NTNG1: variants seen among roughly 807,000 people sequenced by gnomAD.
NTNG1 encodes the protein netrin G1, also known as netrin-G1.
NTNG1 carries 16 observed loss-of-function variants against 54.0 expected under a neutral mutation model. The ratio of observed to expected loss-of-function variants is 0.30; its 90% CI spans 0.20 to 0.45. The LOEUF (loss-of-function observed/expected upper bound fraction) is 0.45, where lower values mean the gene tolerates loss of function less well. Among genes scored for constraint, NTNG1 ranks in the 20% least tolerant of loss-of-function variants. The pLI is 1.00. For missense variants in NTNG1, 530 were observed against 678.7 expected, an observed-to-expected ratio of 0.78 and a Z score of 2.43; for synonymous variants, 255 against 263.1, an observed-to-expected ratio of 0.97 and a Z score of 0.30.
intron 2 of NTNG1, among the ~76,000 whole-genome samples, chr1:107,211,174 T>C (rs1206377493): frequency 1.3e-5 from 2 of 152,188 alleles, no homozygotes; most frequent in Non-Finnish European, 2.9e-5. Flanking sequence ...GGGTGAATTG[T>C]AGAAGCATCA....
intron 3 of NTNG1, chr1:107,328,785 A>G (rs1273665592): frequency 6.6e-6 from 1 of 152,178 alleles, no homozygotes; most frequent in African/African-American, 2.4e-5. Context: ...CAAAGAAATA[A>G]TGTGATTTAA....
chr1:107,186,130 T>G (rs1343108857), intron 2 of NTNG1, among the ~76,000 whole-genome samples: 1 of 152,156 alleles, frequency 6.6e-6, no homozygotes, highest in Non-Finnish European at 1.5e-5. Flanking sequence ...GACCTTCTGT[T>G]TTTTAGTTAT....
At chr1:107,152,168 A>G (rs1283380060) in intron 2 of NTNG1, among the ~76,000 whole-genome samples, 1 of 152,136 alleles carries the variant, frequency 6.6e-6, no homozygotes, top group African/African-American at 2.4e-5. Context: ...TGAGTTGATG[A>G]TGGCTAAAGA....
At chr1:107,458,626 A>T (rs1165324274) in intron 7 of NTNG1, among the ~76,000 whole-genome samples, 1 of 152,206 alleles carries the variant, frequency 6.6e-6, no homozygotes, top group Non-Finnish European at 1.5e-5. Context: ...AACAATATTC[A>T]TGAAACAATT....
intron 2 of NTNG1, among the ~76,000 whole-genome samples, chr1:107,163,908 G>A (rs375781855): frequency 1.3e-5 from 2 of 152,294 alleles, no homozygotes; most frequent in East Asian, 3.9e-4. Context: ...TGCTGCATGG[G>A]AAATGGAAAT....
chr1:107,275,670 G>T (rs1391188443), intron 2 of NTNG1, among the ~76,000 whole-genome samples: 1 of 152,196 alleles, frequency 6.6e-6, no homozygotes, highest in Admixed American at 6.5e-5. Context: ...AGCCAGACAG[G>T]ATGAGTTCTT....
rs1261491157 is a variant in NTNG1 at position 107,386,149 on chromosome 1, G to GTATA, written c.888-8991_888-8988dup. 4.2e-4 allele frequency among the ~76,000 whole-genome samples: 41 copies of GTATA among 98,738 alleles called. 1 individual carries two copies. In the East Asian group the frequency reaches 5.3e-3, roughly 13 times the overall value. 64.8% of individuals were successfully genotyped at this position (98,738 alleles called of 152,430 possible). ...TATGTATGTATATATATATATGTGTGTATATATATATATATATTTTTTTTT... is the reference window on the plus strand; with the variant it reads ...TATGTATGTATATATATATATGTGTGTATATATATATATATATATATTTTTTTTT... On this transcript the variant is annotated intron_variant, in intron 3 of 7. Transcript: ENST00000370068.
At chr1:107,287,175 A>T (rs973566716) in intron 2 of NTNG1, among the ~76,000 whole-genome samples, 1 of 152,164 alleles carries the variant, frequency 6.6e-6, no homozygotes, top group African/African-American at 2.4e-5. Context: ...CAGACCAAAA[A>T]ATTGTGCATA....
chr1:107,147,139 G>A (rs1334830639), intron 1 of NTNG1, among the ~76,000 whole-genome samples: 1 of 152,042 alleles, frequency 6.6e-6, no homozygotes, highest in Non-Finnish European at 1.5e-5. Flanking sequence ...CCAATGACTT[G>A]TAGCCATAGT....
chr1:107,247,801 A>G (rs969951077), intron 2 of NTNG1, among the ~76,000 whole-genome samples: 2 of 152,248 alleles, frequency 1.3e-5, no homozygotes, highest in Admixed American at 6.5e-5. Context: ...TGTGGGCTCC[A>G]TCAGCTATCC....
At chr1:107,187,080 C>T (rs1204692157) in intron 2 of NTNG1, among the ~76,000 whole-genome samples, 2 of 152,138 alleles carry the variant, frequency 1.3e-5, no homozygotes, top group African/African-American at 4.8e-5. Flanking sequence ...AACTACCAGT[C>T]TCTGTTGCCT....
At chr1:107,351,314 A>G (rs929416007) in intron 3 of NTNG1, among the ~76,000 whole-genome samples, 2 of 152,174 alleles carry the variant, frequency 1.3e-5, no homozygotes, top group Admixed American at 6.5e-5. Flanking sequence ...AATACCTGAA[A>G]CTGGATAATT....
chr1:107,432,818 A>C (rs925099316), intron 6 of NTNG1, among the ~76,000 whole-genome samples: 1 of 152,160 alleles, frequency 6.6e-6, no homozygotes. Context: ...TTATCAGGTA[A>C]CTTAACAATA....
intron 7 of NTNG1, among the ~76,000 whole-genome samples, chr1:107,467,184 C>T (rs1677659806): frequency 6.6e-6 from 1 of 151,658 alleles, no homozygotes; most frequent in African/African-American, 2.4e-5. Flanking sequence ...GAAAAATTAA[C>T]AAATAGATCT....
chr1:107,248,986 T>G (rs1287411372), intron 2 of NTNG1, among the ~76,000 whole-genome samples: 1 of 127,404 alleles, frequency 7.8e-6, no homozygotes, highest in African/African-American at 3.2e-5. Flanking sequence ...CTGTCTCTAC[T>G]AAAAGTACAA....
chr1:107,393,450 A>G (rs771724273), intron 3 of NTNG1, among the ~76,000 whole-genome samples: 1 of 152,172 alleles, frequency 6.6e-6, no homozygotes, highest in Non-Finnish European at 1.5e-5. Flanking sequence ...ATAATTAAAC[A>G]TTGCCTATTT....
chr1:107,189,833 G>A (rs111417104), intron 2 of NTNG1, among the ~76,000 whole-genome samples: 16,774 of 146,756 alleles, frequency 0.11, 1,793 homozygotes, highest in African/African-American at 0.31. Context: ...AAAAAAAAAA[G>A]GGGGGGGCCT....
At chr1:107,161,354 A>G (rs1403806919) in intron 2 of NTNG1, among the ~76,000 whole-genome samples, 1 of 152,166 alleles carries the variant, frequency 6.6e-6, no homozygotes, top group African/African-American at 2.4e-5. Flanking sequence ...CAGTATAATA[A>G]ATACACGTGC....
chr1:107,480,991 T>A lies in NTNG1; in HGVS notation c.*151T>A. 1 of 619,746 alleles carries A rather than the reference T, an allele frequency of 1.6e-6. No individual in the cohort carries two copies. The highest frequency in any genetic ancestry group is 2.8e-6 in the Non-Finnish European group (1 of 351,900). The allele number at this position is 619,746 out of a possible 1,614,324, so 38.4% of individuals were successfully genotyped here. A position where few individuals can be genotyped will look rare whatever the true frequency, so the allele number is the denominator to read the frequency against. On this transcript the variant is annotated 3_prime_UTR_variant, in exon 8 of 8. Transcript: ENST00000370068. ...AAGGCCTAACTGAACTAAGCCATATTTATCACCCGTGGACAGCACATCCGA... is the reference window on the plus strand; with the variant it reads ...AAGGCCTAACTGAACTAAGCCATATATATCACCCGTGGACAGCACATCCGA...
Sources: gnomAD v4.1 joint callset for allele counts (sites outside exome capture counted in the v4.1 genomes callset) on GRCh38, gnomAD v4.1.1 for gene constraint, MANE v1.5 for transcripts, NCBI Gene and HGNC (gene_info 2026-07-23, HGNC 2026-07-21) for gene names.